Variants in CACNA2D3 observed in about 807,000 individuals in gnomAD.
CACNA2D3 encodes the protein voltage-dependent calcium channel subunit alpha-2/delta-3.
In CACNA2D3, 60 loss-of-function variants were observed where a neutral mutation model predicts 160.6. The ratio of observed to expected loss-of-function variants is 0.37; its 90% confidence interval spans 0.30 to 0.46. The LOEUF (loss-of-function observed/expected upper bound fraction) is 0.46. Ranked by LOEUF, CACNA2D3 falls within the 20% of genes least tolerant of loss-of-function variation. The pLI, the probability that CACNA2D3 is intolerant of heterozygous loss-of-function variation, is 1.00. For synonymous variants in CACNA2D3, 558 were observed against 492.9 expected, an observed-to-expected ratio of 1.13 and a Z score of -1.75; for missense variants, 1,205 against 1,365.0, an observed-to-expected ratio of 0.88 and a Z score of 1.85.
intron 2 of CACNA2D3, among the ~76,000 whole-genome samples, chr3:54,170,679 G>T (rs1410831635): frequency 6.6e-6 from 1 of 152,044 alleles, no homozygotes; most frequent in Non-Finnish European, 1.5e-5. Context: ...TCAGCCAAGG[G>T]CAGATCAGTG....
intron 2 of CACNA2D3, among the ~76,000 whole-genome samples, chr3:54,244,607 A>G (rs1702036712): frequency 1.3e-5 from 2 of 152,220 alleles, no homozygotes; most frequent in Admixed American, 6.5e-5. Flanking sequence ...AGAAAAACAA[A>G]AAAAGGAAGC....
At chr3:54,834,070 T>A (rs1340103598) in intron 14 of CACNA2D3, among the ~76,000 whole-genome samples, 1 of 152,210 alleles carries the variant, frequency 6.6e-6, no homozygotes, top group Non-Finnish European at 1.5e-5. Flanking sequence ...ATGCAGTAAT[T>A]ACATTTGGAA....
chr3:55,043,959 T>C (rs1704017436), intron 35 of CACNA2D3, among the ~76,000 whole-genome samples: 1 of 152,102 alleles, frequency 6.6e-6, no homozygotes, highest in African/African-American at 2.4e-5. Flanking sequence ...CACATTTTAA[T>C]TTATCTATGT....
chr3:54,595,254 T>A (rs1416251876), intron 9 of CACNA2D3, among the ~76,000 whole-genome samples: 1 of 152,138 alleles, frequency 6.6e-6, no homozygotes, highest in Non-Finnish European at 1.5e-5. Context: ...CGAGGTTGTT[T>A]TATCTTGGAA....
chr3:54,566,109 T>C (rs1702405224), intron 6 of CACNA2D3, among the ~76,000 whole-genome samples: 1 of 152,268 alleles, frequency 6.6e-6, no homozygotes, highest in Admixed American at 6.5e-5. Context: ...TATTGCCTCT[T>C]TGGGGGAGCT....
intron 34 of CACNA2D3, among the ~76,000 whole-genome samples, chr3:55,014,478 C>T (rs903379989): frequency 3.3e-5 from 5 of 152,116 alleles, no homozygotes; most frequent in Non-Finnish European, 5.9e-5. Context: ...GCCTGTAATC[C>T]CAGCACTTTG....
chr3:54,247,413 A>G lies in CACNA2D3; in HGVS notation c.205-73029A>G, dbSNP rs1702102357. On this transcript the variant is annotated intron_variant, in intron 2 of 37. Coordinates refer to ENST00000474759, the MANE Select transcript of CACNA2D3 (RefSeq NM_018398.3). ...TACAAGATATGAGAGAACAATATAAATCAAAACAGAAAAATCTTGGAAATG... is the reference window on the plus strand; with the variant it reads ...TACAAGATATGAGAGAACAATATAAGTCAAAACAGAAAAATCTTGGAAATG... 2.6e-5 allele frequency among the ~76,000 whole-genome samples: 4 copies of G among 152,252 alleles called. 1 individual carries two copies. The highest frequency in any genetic ancestry group is 2.6e-4 in the Admixed American group (4 of 15,274).
At chr3:54,519,170 T>C (rs1478833745) in intron 5 of CACNA2D3, among the ~76,000 whole-genome samples, 1 of 36,526 alleles carries the variant, frequency 2.7e-5, no homozygotes, top group African/African-American at 1.2e-4. Context: ...ATCTGCCATG[T>C]GTTGTGAAGG....
chr3:54,411,148 A>G (rs1012318936), intron 4 of CACNA2D3, among the ~76,000 whole-genome samples: 3 of 152,226 alleles, frequency 2.0e-5, no homozygotes, highest in African/African-American at 7.2e-5. Flanking sequence ...TTATGGATGA[A>G]CAAAGTGGCT....
intron 13 of CACNA2D3, among the ~76,000 whole-genome samples, chr3:54,802,346 G>C (rs1229251185): frequency 6.6e-6 from 1 of 152,130 alleles, no homozygotes; most frequent in African/African-American, 2.4e-5. Flanking sequence ...GATACCTTTT[G>C]TGTCCCTGAC....
chr3:54,993,476 A>G (rs1702785790), intron 31 of CACNA2D3, among the ~76,000 whole-genome samples: 1 of 152,212 alleles, frequency 6.6e-6, no homozygotes, highest in African/African-American at 2.4e-5. Flanking sequence ...AAGCACAAAT[A>G]TGACTTTTAG....
intron 27 of CACNA2D3, among the ~76,000 whole-genome samples, chr3:54,962,742 A>C (rs948590122): frequency 2.0e-5 from 3 of 152,096 alleles, no homozygotes; most frequent in Admixed American, 1.3e-4. Context: ...CTTTTGGATG[A>C]GCTCTCTATG....
intron 4 of CACNA2D3, among the ~76,000 whole-genome samples, chr3:54,435,212 T>C (rs970200883): frequency 1.3e-5 from 2 of 152,148 alleles, no homozygotes; most frequent in Non-Finnish European, 2.9e-5. Context: ...TCCACTCCCC[T>C]GCCCTTTGGG....
At chr3:54,784,556 G>A (rs1401054108) in intron 13 of CACNA2D3, among the ~76,000 whole-genome samples, 1 of 152,046 alleles carries the variant, frequency 6.6e-6, no homozygotes, top group Admixed American at 6.5e-5. Context: ...ATTTGCAAAT[G>A]TTCACCTCCA....
chr3:54,241,390 G>C (rs1432329901), intron 2 of CACNA2D3, among the ~76,000 whole-genome samples: 1 of 152,170 alleles, frequency 6.6e-6, no homozygotes, highest in Non-Finnish European at 1.5e-5. Context: ...TTATAGAAGA[G>C]AAAAGCCAGC....
chr3:54,455,756 G>A (rs1206509213), intron 4 of CACNA2D3, among the ~76,000 whole-genome samples: 1 of 151,964 alleles, frequency 6.6e-6, no homozygotes, highest in African/African-American at 2.4e-5. Flanking sequence ...TTTCTATGTG[G>A]TGAGAGATAT....
At chr3:54,959,885 G>T (rs986420087) in intron 27 of CACNA2D3, among the ~76,000 whole-genome samples, 3 of 152,164 alleles carry the variant, frequency 2.0e-5, no homozygotes, top group Admixed American at 2.0e-4. Flanking sequence ...GGTTTCTTCA[G>T]ATGAAGTCTG....
intron 17 of CACNA2D3, among the ~76,000 whole-genome samples, chr3:54,864,769 G>A (rs1699363885): frequency 1.3e-5 from 2 of 152,180 alleles, no homozygotes; most frequent in South Asian, 4.1e-4. Flanking sequence ...CATTAGCCAG[G>A]AGAAGAGCAC....
chr3:54,783,879 T>C (rs1702580178), intron 13 of CACNA2D3, among the ~76,000 whole-genome samples: 1 of 152,204 alleles, frequency 6.6e-6, no homozygotes, highest in Admixed American at 6.5e-5. Flanking sequence ...TTTAAATATC[T>C]TGGAATTTGC....
Sources: gnomAD v4.1 joint callset for allele counts (sites outside exome capture counted in the v4.1 genomes callset) on GRCh38, gnomAD v4.1.1 for gene constraint, MANE v1.5 for transcripts, NCBI Gene and HGNC (gene_info 2026-07-23, HGNC 2026-07-21) for gene names.